Variants in RIMS2 observed in about 807,000 individuals in gnomAD.
RIMS2 encodes regulating synaptic membrane exocytosis protein 2.
In RIMS2, 59 loss-of-function variants were observed where a neutral mutation model predicts 174.4. That is an observed-to-expected ratio of 0.34 (90% CI 0.27 to 0.42). The LOEUF is 0.42. RIMS2 is among the 10% of genes least tolerant of loss of function. RIMS2 has a pLI of 1.00. For missense variants in RIMS2, 1,620 were observed against 1,666.3 expected, an observed-to-expected ratio of 0.97 and a Z score of 0.48; for synonymous variants, 606 against 572.5, an observed-to-expected ratio of 1.06 and a Z score of -0.84.
intron 2 of RIMS2, among the ~76,000 whole-genome samples, chr8:103,757,220 G>A (rs1318599426): frequency 1.3e-5 from 2 of 151,968 alleles, no homozygotes; most frequent in Non-Finnish European, 2.9e-5. Flanking sequence ...TTAGGTTAAA[G>A]CATTGCTAAT....
chr8:103,671,571 A>G (rs747766442), intron 1 of RIMS2, among the ~76,000 whole-genome samples: 2 of 152,262 alleles, frequency 1.3e-5, no homozygotes, highest in Non-Finnish European at 2.9e-5. Context: ...TACCCTTTCC[A>G]TGAACTTCCA....
intron 1 of RIMS2, among the ~76,000 whole-genome samples, chr8:103,608,696 C>A (rs561275308): frequency 6.6e-6 from 1 of 151,874 alleles, no homozygotes; most frequent in Admixed American, 6.5e-5. Flanking sequence ...TCTCATGGTG[C>A]GCCGTTTTTT....
intron 13 of RIMS2, among the ~76,000 whole-genome samples, chr8:103,938,554 A>G (rs1321668155): frequency 6.6e-6 from 1 of 152,142 alleles, no homozygotes; most frequent in African/African-American, 2.4e-5. Flanking sequence ...GCCAAACCAT[A>G]TCATTCCATT....
chr8:104,186,967 A>G (rs1346464781), intron 19 of RIMS2, among the ~76,000 whole-genome samples: 1 of 151,842 alleles, frequency 6.6e-6, no homozygotes, highest in Non-Finnish European at 1.5e-5. Context: ...AAATAGAGGA[A>G]AGAACCTATT....
intron 19 of RIMS2, 40 bp from the exon 22 acceptor site, chr8:104,041,286 T>C (rs1377213407): frequency 1.5e-6 from 1 of 648,682 alleles, no homozygotes; most frequent in Non-Finnish European, 2.8e-6. Context: ...CACTCCCATC[T>C]CCTTTGTCTA....
chr8:104,021,172 A>G (rs2154554940), intron 19 of RIMS2, among the ~76,000 whole-genome samples: 1 of 152,214 alleles, frequency 6.6e-6, no homozygotes, highest in South Asian at 2.1e-4. Flanking sequence ...CATCTTTTAT[A>G]AAGAATGTCT....
intron 3 of RIMS2, among the ~76,000 whole-genome samples, chr8:103,777,000 T>C (rs774079308): frequency 1.3e-5 from 2 of 152,084 alleles, no homozygotes; most frequent in Admixed American, 6.6e-5. Flanking sequence ...AAAGGCATTT[T>C]AAAACCAATG....
intron 3 of RIMS2, among the ~76,000 whole-genome samples, chr8:103,881,550 A>G (rs1340276576): frequency 2.0e-5 from 3 of 151,564 alleles, no homozygotes; most frequent in Non-Finnish European, 4.4e-5. Flanking sequence ...CCCATCAGTC[A>G]GTATGCTTTT....
Position 103,631,497 on chromosome 8 carries a change from T to C in RIMS2, c.177-65589T>C, listed in dbSNP as rs1048841618. Among the ~76,000 whole-genome samples the C allele has an allele frequency of 1.3e-4, 20 of 152,250 alleles. 1 individual carries two copies. The highest frequency in any genetic ancestry group is 9.8e-4 in the Admixed American group (15 of 15,288). On this transcript the variant is annotated intron_variant, in intron 1 of 23. Transcript: ENST00000504942. ...TCTGTTTCATTGGTCTATGTGCTAG[T>C]TTTTGTACCAGTACCGAGCTGTTTG...
intron 1 of RIMS2, among the ~76,000 whole-genome samples, chr8:103,594,230 T>G (rs1421288988): frequency 1.3e-5 from 2 of 151,660 alleles, no homozygotes; most frequent in South Asian, 2.1e-4. Flanking sequence ...GTCCTTTTTG[T>G]GGCCTATTTA....
intron 19 of RIMS2, among the ~76,000 whole-genome samples, chr8:104,198,442 A>G (rs1316749630): frequency 6.6e-6 from 1 of 152,224 alleles, no homozygotes; most frequent in African/African-American, 2.4e-5. Context: ...CCTCCTTATG[A>G]GAAACCACAC....
At chr8:103,997,147 T>A (rs2095154253) in intron 17 of RIMS2, among the ~76,000 whole-genome samples, 1 of 151,676 alleles carries the variant, frequency 6.6e-6, no homozygotes, top group Non-Finnish European at 1.5e-5. Context: ...TGGCAAGAAT[T>A]GTAGATATGT....
rs563641180 is a variant in RIMS2, at chr8:104,184,548, C to T, written c.3335-60368C>T. ...GTCTTGCTTGATTCGCCATAATATC[C>T]TTTCTGATAGTATCAAGGTGAAATA... On this transcript the variant is annotated intron_variant, in intron 19 of 23. Coordinates refer to ENST00000504942, the Ensembl canonical transcript of RIMS2. Among the ~76,000 whole-genome samples the T allele has an allele frequency of 7.9e-5, 12 of 151,542 alleles. No homozygotes were observed. In the East Asian group the frequency reaches 2.3e-3, roughly 29 times the overall value.
At chr8:103,728,337 T>C (rs767228934) in intron 2 of RIMS2, among the ~76,000 whole-genome samples, 1 of 152,250 alleles carries the variant, frequency 6.6e-6, no homozygotes, top group Admixed American at 6.5e-5. Context: ...TTTGGTGGAG[T>C]CTTTAGGTTT....
At chr8:103,560,812 A>T (rs1443148845) in intron 1 of RIMS2, among the ~76,000 whole-genome samples, 1 of 152,154 alleles carries the variant, frequency 6.6e-6, no homozygotes, top group African/African-American at 2.4e-5. Context: ...TACCATATTT[A>T]TGTTATTTTG....
chr8:103,839,287 T>A lies in RIMS2; in HGVS notation c.699-46011T>A, dbSNP rs534259357. The stretch of plus-strand genomic sequence containing the variant: ...TTGCTTCTTTGGATGCCTTGTAACA[T>A]TGTCTTGCAGGGTAAACACCTAAAT... On this transcript the variant is annotated intron_variant, in intron 3 of 23. Transcript: ENST00000504942. Among the ~76,000 whole-genome samples, 117 of 152,362 alleles carry A rather than the reference T, an allele frequency of 7.7e-4. 1 individual carries two copies. Among genetic ancestry groups the A allele is most frequent in the African/African-American group, 2.5e-3 (105 of 41,584 alleles).
intron 1 of RIMS2, among the ~76,000 whole-genome samples, chr8:103,509,374 T>C (rs547041096): frequency 6.6e-6 from 1 of 152,278 alleles, no homozygotes; most frequent in Non-Finnish European, 1.5e-5. Context: ...CCTCTGGTTT[T>C]ATTTCATTCT....
At chr8:103,666,396 A>G (rs1207161537) in intron 1 of RIMS2, among the ~76,000 whole-genome samples, 1 of 152,160 alleles carries the variant, frequency 6.6e-6, no homozygotes, top group Non-Finnish European at 1.5e-5. Flanking sequence ...TCATTTGGTC[A>G]ACCGGAGAGG....
At chr8:104,233,813 G>C (rs931739322) in intron 19 of RIMS2, among the ~76,000 whole-genome samples, 18 of 152,156 alleles carry the variant, frequency 1.2e-4, no homozygotes, top group African/African-American at 3.6e-4. Flanking sequence ...TCAGCCAAAC[G>C]CCTCATTAGA....
Sources: allele counts gnomAD v4.1 joint callset (sites outside exome capture counted in the v4.1 genomes callset), GRCh38; gene constraint gnomAD v4.1.1; transcripts MANE v1.5; gene names NCBI Gene and HGNC (gene_info 2026-07-23, HGNC 2026-07-21).